EPHA3: variants seen among roughly 807,000 people sequenced by gnomAD.
EPHA3 encodes the protein ephrin type-A receptor 3.
EPHA3 carries 42 observed loss-of-function variants against 107.1 expected under a neutral mutation model. The ratio of observed to expected loss-of-function variants is 0.39; its 90% CI spans 0.31 to 0.51. EPHA3 has a LOEUF of 0.51. Ranked by LOEUF, EPHA3 falls within the 20% of genes least tolerant of loss-of-function variation. The pLI, the probability that EPHA3 is intolerant of heterozygous loss-of-function variation, is 0.78. For synonymous variants in EPHA3, 461 were observed against 424.8 expected (o/e 1.09, Z -1.05); for missense variants, 1,183 against 1,211.2 (o/e 0.98, Z 0.35).
intron 3 of EPHA3, among the ~76,000 whole-genome samples, chr3:89,216,502 T>C (rs1704225873): frequency 6.6e-6 from 1 of 152,058 alleles, no homozygotes; most frequent in South Asian, 2.1e-4. Context: ...TATTATCTTG[T>C]CAGCTAGCTC....
At chr3:89,433,278 T>C (rs1233981848) in intron 13 of EPHA3, among the ~76,000 whole-genome samples, 1 of 151,780 alleles carries the variant, frequency 6.6e-6, no homozygotes, top group Admixed American at 6.6e-5. Flanking sequence ...TTTCTTATTA[T>C]CTAATTTTAA....
At chr3:89,198,687 G>C (rs182099611) in intron 2 of EPHA3, among the ~76,000 whole-genome samples, 1 of 152,138 alleles carries the variant, frequency 6.6e-6, no homozygotes, top group East Asian at 1.9e-4. Flanking sequence ...GTAAAACTTA[G>C]CATATGTTCC....
chr3:89,354,685 T>A (rs1214983285), intron 5 of EPHA3, among the ~76,000 whole-genome samples: 1 of 151,138 alleles, frequency 6.6e-6, no homozygotes, highest in Non-Finnish European at 1.5e-5. Context: ...TTATTATTAT[T>A]AATTGCTGAC....
At chr3:89,376,966 C>G (rs997976878) in intron 5 of EPHA3, among the ~76,000 whole-genome samples, 3 of 152,036 alleles carry the variant, frequency 2.0e-5, no homozygotes, top group African/African-American at 7.2e-5. Context: ...TAAAACCCTG[C>G]TGACTTTTTA....
At chr3:89,374,165 A>T (rs927372402) in intron 5 of EPHA3, among the ~76,000 whole-genome samples, 2 of 151,880 alleles carry the variant, frequency 1.3e-5, no homozygotes, top group Non-Finnish European at 2.9e-5. Flanking sequence ...AGAATAAAAA[A>T]GTCAGGCAAA....
At chr3:89,131,909 A>G (rs1704214690) in intron 2 of EPHA3, among the ~76,000 whole-genome samples, 1 of 152,054 alleles carries the variant, frequency 6.6e-6, no homozygotes, top group Non-Finnish European at 1.5e-5. Flanking sequence ...AAACATCGAT[A>G]TTGTTCAAGT....
At chr3:89,245,708 A>G (rs991783941) in intron 3 of EPHA3, among the ~76,000 whole-genome samples, 3 of 152,214 alleles carry the variant, frequency 2.0e-5, no homozygotes, top group African/African-American at 7.2e-5. Flanking sequence ...GATGATCTGT[A>G]GTCCATGTGG....
intron 2 of EPHA3, among the ~76,000 whole-genome samples, chr3:89,185,970 G>T (rs575884412): frequency 2.0e-5 from 3 of 151,912 alleles, no homozygotes; most frequent in East Asian, 3.9e-4. Flanking sequence ...TTGCAAGAAG[G>T]TTCATTTTTT....
At chr3:89,189,323 G>A (rs190851184) in intron 2 of EPHA3, among the ~76,000 whole-genome samples, 4 of 152,230 alleles carry the variant, frequency 2.6e-5, no homozygotes, top group South Asian at 2.1e-4. Flanking sequence ...GACTGGGCAC[G>A]GTGGCTCACG....
At position 89,219,688 on chromosome 3, in the gene EPHA3, G is replaced by GTGTTTTTTTTTGTTTTTTTTTT; in HGVS notation, c.814+9169_814+9170insGTTTTTTTTTGTTTTTTTTTTT. ...TTACCTCCAAGAGGCATTTGGCAAT[G>GTGTTTTTTTTTGTTTTTTTTTT]TTTTTTTTTTTTTTGTTTTTTGTTT... On this transcript the variant is annotated intron_variant, in intron 3 of 16. Coordinates refer to ENST00000336596, the MANE Select transcript of EPHA3 (RefSeq NM_005233.6). Among the ~76,000 whole-genome samples the GTGTTTTTTTTTGTTTTTTTTTT allele has an allele frequency of 9.2e-3, 316 of 34,438 alleles. 108 individuals are homozygous for GTGTTTTTTTTTGTTTTTTTTTT. The highest frequency in any genetic ancestry group is 0.036 in the Middle Eastern group (2 of 56). 22.6% of individuals were successfully genotyped at this position (34,438 alleles called of 152,430 possible). A position where few individuals can be genotyped will look rare whatever the true frequency, so the allele number is the denominator to read the frequency against.
intron 3 of EPHA3, among the ~76,000 whole-genome samples, chr3:89,317,554 T>C (rs1706938023): frequency 1.3e-5 from 2 of 151,884 alleles, no homozygotes; most frequent in African/African-American, 4.8e-5. Context: ...ATAAGCTGTA[T>C]CTTGCCATAT....
At chr3:89,256,071 G>A (rs758272756) in intron 3 of EPHA3, among the ~76,000 whole-genome samples, 55 of 151,532 alleles carry the variant, frequency 3.6e-4, no homozygotes, top group Non-Finnish European at 6.6e-4. Context: ...CCAACATGGT[G>A]AAACCACTTC....
chr3:89,256,119 A>T (rs28885734), intron 3 of EPHA3, among the ~76,000 whole-genome samples: 76,814 of 151,216 alleles, frequency 0.51, 20,674 homozygotes, highest in African/African-American at 0.69. Flanking sequence ...GGCACAGTGG[A>T]GCGTACCTGT....
chr3:89,275,052 T>C (rs1310727592), intron 3 of EPHA3, among the ~76,000 whole-genome samples: 1 of 151,978 alleles, frequency 6.6e-6, no homozygotes, highest in Non-Finnish European at 1.5e-5. Context: ...AAGCTTTGAG[T>C]GGTTGTGACT....
intron 5 of EPHA3, among the ~76,000 whole-genome samples, chr3:89,371,468 T>G (rs568983759): frequency 6.6e-6 from 1 of 151,612 alleles, no homozygotes; most frequent in Non-Finnish European, 1.5e-5. Context: ...CAAGGTAAGA[T>G]AGATAAAAGA....
At position 89,127,283 on chromosome 3, in the gene EPHA3, A is replaced by G. The variant is rs1175659733; in HGVS notation, c.153+10A>G. On this transcript the variant is annotated intron_variant, in intron 2 of 16. Transcript: ENST00000336596. ...TTATCCATCACATGGGGTGAGTTCA[A>G]TAAACTATCACAAGGAAACATTTTC... 1.9e-6 allele frequency: 3 copies of G among 1,605,826 alleles called. No homozygotes were observed. Among genetic ancestry groups the G allele is most frequent in the Admixed American group, 1.7e-5 (1 of 59,858 alleles).
chr3:89,475,138 A>T (rs560878289), intron 16 of EPHA3, among the ~76,000 whole-genome samples: 20 of 152,326 alleles, frequency 1.3e-4, no homozygotes, highest in Middle Eastern at 3.4e-3. Flanking sequence ...TTATATTACA[A>T]AAAGAGAATT....
intron 13 of EPHA3, among the ~76,000 whole-genome samples, chr3:89,438,009 A>C (rs1709707385): frequency 6.6e-6 from 1 of 152,160 alleles, no homozygotes; most frequent in Non-Finnish European, 1.5e-5. Flanking sequence ...TTACATAATA[A>C]TTTATTTGGC....
intron 2 of EPHA3, among the ~76,000 whole-genome samples, chr3:89,138,991 G>C (rs955124370): frequency 6.6e-6 from 1 of 151,720 alleles, no homozygotes; most frequent in African/African-American, 2.4e-5. Flanking sequence ...AAGAGTGTGT[G>C]TTGGGGGACA....
Sources: allele counts gnomAD v4.1 joint callset (sites outside exome capture counted in the v4.1 genomes callset), GRCh38; gene constraint gnomAD v4.1.1; transcripts MANE v1.5; gene names NCBI Gene and HGNC (gene_info 2026-07-23, HGNC 2026-07-21).